The following DGKK variants were observed in gnomAD, a reference collection of about 807,000 sequenced individuals.
DGKK encodes the protein diacylglycerol kinase kappa, also known as 142 kDa diacylglycerol kinase.
DGKK carries 35 observed loss-of-function variants against 92.2 expected under a neutral mutation model. That is an observed-to-expected ratio of 0.38 (90% confidence interval 0.29 to 0.50). DGKK has a LOEUF of 0.50. Among genes scored for constraint, DGKK ranks in the 20% least tolerant of loss-of-function variants. The pLI is 0.92. For missense variants in DGKK, 910 were observed against 992.2 expected (o/e 0.92, Z 1.11); for synonymous variants, 368 against 360.6 (o/e 1.02, Z -0.23).
At chrX:50,409,318 C>T (rs1173255983) in intron 4 of DGKK, among the ~76,000 whole-genome samples, 1 of 79,557 alleles carries the variant, frequency 1.3e-5, no homozygotes, top group East Asian at 3.8e-4. Flanking sequence ...AGGAAGAAGC[C>T]AAAAAAAAAA....
intron 2 of DGKK, among the ~76,000 whole-genome samples, chrX:50,422,823 C>T (rs918971651): frequency 2.8e-4 from 32 of 112,390 alleles, no homozygotes; most frequent in African/African-American, 9.7e-4. Context: ...ATTATTTAAA[C>T]ATAAAGGCTT....
intron 27 of DGKK, 88 bp downstream of exon 27, chrX:50,370,338 A>G: frequency 9.3e-7 from 1 of 1,077,020 alleles, no homozygotes; most frequent in Non-Finnish European, 1.2e-6. Flanking sequence ...TCCCACAAAC[A>G]TTTCTAATGG....
At chrX:50,465,769 A>G (rs1410310544) in intron 1 of DGKK, among the ~76,000 whole-genome samples, 1 of 111,237 alleles carries the variant, frequency 9.0e-6, no homozygotes, top group Non-Finnish European at 1.9e-5. Flanking sequence ...ACAAAAGGCC[A>G]TATGTCAGAT....
At chrX:50,431,830 A>C (rs1925896859) in intron 1 of DGKK, among the ~76,000 whole-genome samples, 1 of 111,805 alleles carries the variant, frequency 8.9e-6, no homozygotes, top group Non-Finnish European at 1.9e-5. Flanking sequence ...ACATGGCAGG[A>C]GTCAGACAGA....
At chrX:50,467,213 T>C (rs1382151393) in intron 1 of DGKK, among the ~76,000 whole-genome samples, 2 of 112,149 alleles carry the variant, frequency 1.8e-5, no homozygotes, top group Admixed American at 9.4e-5. Context: ...AATTGAAACA[T>C]TTTAGAAAGG....
At chrX:50,442,489 A>G (rs1171739688) in intron 1 of DGKK, among the ~76,000 whole-genome samples, 1 of 110,837 alleles carries the variant, frequency 9.0e-6, no homozygotes, top group Non-Finnish European at 1.9e-5. Flanking sequence ...ATTTCAGGAC[A>G]CGGTCACCAA....
Position 50,405,233 on chromosome X carries a change from T to G in DGKK, c.943-1049A>C, listed in dbSNP as rs148508058. On this transcript the variant is annotated intron_variant, in intron 4 of 27. Coordinates refer to ENST00000611977, the MANE Select transcript of DGKK (RefSeq NM_001013742.4). The stretch of plus-strand genomic sequence containing the variant: ...TAACATTTTTTGTTAAATGCTGCAT[T>G]TGTATTTCACAGCCTGACTTTCATG... 1.3e-4 allele frequency among the ~76,000 whole-genome samples: 14 copies of G among 111,754 alleles called. No individual in the cohort carries two copies. The East Asian group carries it at 3.9e-3, about 32-fold the overall frequency.
Position 50,421,825 on chromosome X carries a change from A to G in DGKK, c.837+621T>C, listed in dbSNP as rs906364394. 5.5e-4 allele frequency among the ~76,000 whole-genome samples: 61 copies of G among 111,906 alleles called. 1 individual carries two copies. The highest frequency in any genetic ancestry group is 2.0e-3 in the African/African-American group (61 of 30,779). ...CCTAAGCAGGAACTCCAGTCTCCAT[A>G]TCCCACCACTGAGGCTGGGAGAAGA... On this transcript the variant is annotated intron_variant, in intron 3 of 27. Transcript: ENST00000611977.
Position 50,390,453 on chromosome X carries a change from G to T in DGKK, c.1845-44C>A, listed in dbSNP as rs782385990. On this transcript the variant is annotated intron_variant, in intron 11 of 27. Coordinates refer to ENST00000611977, the MANE Select transcript of DGKK (RefSeq NM_001013742.4). The stretch of plus-strand genomic sequence containing the variant: ...ACGGATATTTAAGGGTCTGTTTCAT[G>T]ACTGGTAAAAATTAGTGCTTCAAAG... 11 of 1,129,148 alleles carry T rather than the reference G, an allele frequency of 9.7e-6. No homozygotes were observed. In the East Asian group the frequency reaches 3.0e-4, roughly 31 times the overall value. 93.1% of individuals were successfully genotyped at this position (1,129,148 alleles called of 1,213,427 possible).
chrX:50,462,839 T>C (rs1926782315), intron 1 of DGKK, among the ~76,000 whole-genome samples: 1 of 103,230 alleles, frequency 9.7e-6, no homozygotes, highest in Admixed American at 1.1e-4. Flanking sequence ...AAAATTAGAA[T>C]GGGAGACATC....
intron 1 of DGKK, among the ~76,000 whole-genome samples, chrX:50,444,801 A>G (rs1424794863): frequency 9.0e-6 from 1 of 111,318 alleles, no homozygotes; most frequent in Non-Finnish European, 1.9e-5. Flanking sequence ...TCCTTTGGGT[A>G]TATACTCAGT....
In DGKK at chrX:50,393,165, C is replaced by T; in HGVS notation, c.1582G>A (p.Gly528Arg). Residue 528 changes from glycine to arginine, a missense_variant, in exon 9 of 28, where the codon GGA becomes AGA. Transcript: ENST00000611977. ...PSQVFDLLKG[G>R]PEAGLSMFKN... ...ATACAGGCTTACCCTGCTTCAGGTC[C>T]ACCCTTCAATAAGTCGAACACTTGA... 1 of 1,208,455 alleles carries T rather than the reference C, an allele frequency of 8.3e-7. No individual in the cohort carries two copies. Among genetic ancestry groups the T allele is most frequent in the Non-Finnish European group, 1.1e-6 (1 of 893,453 alleles).
In DGKK at chrX:50,376,782, C is replaced by T. The variant is rs782294298; in HGVS notation, c.3248G>A (p.Arg1083Gln). 5.0e-6 allele frequency: 6 copies of T among 1,193,046 alleles called. No homozygotes were observed. The highest frequency in any genetic ancestry group is 1.8e-5 in the African/African-American group (1 of 56,961). Residue 1083 changes from arginine (R) to glutamine (Q), a missense_variant, in exon 23 of 28, where the codon CGG becomes CAG. Physicochemically the swap from Arg to Gln is conservative, Grantham distance 43. Transcript: ENST00000611977. ...CTTGCTGATGAGGTTTTCTGCAAGC[C>T]GAGCTAAGTGCTGCATCTGGGCATA... Reference protein sequence around the residue: ...EEYAQMQHLARLAENLISKLN... With the variant: ...EEYAQMQHLAQLAENLISKLN...
intron 1 of DGKK, among the ~76,000 whole-genome samples, chrX:50,434,760 C>A (rs1018140161): frequency 9.0e-6 from 1 of 111,325 alleles, no homozygotes; most frequent in Non-Finnish European, 1.9e-5. Context: ...AACTTTGTAA[C>A]AATATGCTGG....
intron 1 of DGKK, among the ~76,000 whole-genome samples, chrX:50,431,860 G>T (rs1272168079): frequency 4.5e-5 from 5 of 111,502 alleles, no homozygotes; most frequent in Non-Finnish European, 9.4e-5. Flanking sequence ...GCACTTACTA[G>T]CTGTGTGACC....
intron 13 of DGKK, 52 bp from the exon 14 acceptor site, chrX:50,387,705 GC>G (rs1210335589): frequency 4.5e-6 from 4 of 890,837 alleles, no homozygotes; most frequent in Non-Finnish European, 6.5e-6. Flanking sequence ...GAGGCCCAGA[GC>G]CCTTCTCTCT....
At chrX:50,388,754 G>T in intron 12 of DGKK, 136 bp from the exon 13 acceptor site, 1 of 425,682 alleles carries the variant, frequency 2.3e-6, no homozygotes, top group Non-Finnish European at 4.0e-6. Flanking sequence ...AAATGATAAT[G>T]ATCAAAGAAT....
At position 50,376,803 on chromosome X, in the gene DGKK, G is replaced by T; in HGVS notation, c.3227C>A (p.Ala1076Asp). The change falls in exon 23 of 28, where the codon GCC becomes GAC. Residue 1076 changes from alanine (A) to aspartate (D), a missense_variant. Physicochemically the swap from Ala to Asp is moderately radical, Grantham distance 126. Coordinates refer to ENST00000611977, the MANE Select transcript of DGKK (RefSeq NM_001013742.4). ...AAGCCGAGCTAAGTGCTGCATCTGG[G>T]CATACTCCTCGTCAGAGAGGCTCTC... is the stretch of plus-strand genomic sequence containing the variant. ...SQESLSDEEY[A>D]QMQHLARLAE... 8.3e-6 allele frequency: 10 copies of T among 1,206,422 alleles called. No homozygotes were observed. Among genetic ancestry groups the T allele is most frequent in the Non-Finnish European group, 1.1e-5 (10 of 892,648 alleles).
chrX:50,469,066 T>C (rs1025598246), intron 1 of DGKK, among the ~76,000 whole-genome samples: 1 of 110,758 alleles, frequency 9.0e-6, no homozygotes, highest in Non-Finnish European at 1.9e-5. Flanking sequence ...GGGTCCAAGG[T>C]AAACACGAAA....
Sources: allele counts gnomAD v4.1 joint callset (sites outside exome capture counted in the v4.1 genomes callset), GRCh38; gene constraint gnomAD v4.1.1; transcripts MANE v1.5; gene names NCBI Gene and HGNC (gene_info 2026-07-23, HGNC 2026-07-21).